TUBA1B: variants seen among roughly 807,000 people sequenced by gnomAD.
TUBA1B encodes the protein tubulin alpha 1b.
TUBA1B carries 1 observed loss-of-function variant against 34.4 expected under a neutral mutation model. The observed-to-expected ratio is 0.03, with a 90% CI of 0.01 to 0.14. The LOEUF is 0.14. Ranked by LOEUF, TUBA1B falls within the 10% of genes least tolerant of loss-of-function variation. The probability of loss-of-function intolerance (pLI) is 1.00; values close to 1 mark genes in which losing one functional copy is unlikely to be tolerated. For synonymous variants in TUBA1B, 197 were observed against 212.5 expected (o/e 0.93, Z 0.64); for missense variants, 54 against 583.6 (o/e 0.09, Z 9.35).
Position 49,131,335 on chromosome 12 carries a change from GCAGA to G in TUBA1B, c.-39_-36del, listed in dbSNP as rs1941806247. ...GGATTAGGAGGCGAAGGCGACAGGA[GCAGA>G]CACCGGGTCCCGGTTACCGTCCCCG... On this transcript the variant is annotated 5_prime_UTR_variant, in exon 1 of 4. Coordinates refer to ENST00000336023, the MANE Select transcript of TUBA1B (RefSeq NM_006082.3). The G allele has an allele frequency of 6.2e-7, 1 of 1,609,892 alleles. No individual in the cohort carries two copies. The highest frequency in any genetic ancestry group is 8.5e-7 in the Non-Finnish European group (1 of 1,178,310).
chr12:49,130,232 A>G (rs1941786322), intron 1 of TUBA1B: 1 of 1,286,366 alleles, frequency 7.8e-7, no homozygotes, highest in Non-Finnish European at 1.0e-6. Flanking sequence ...CTCAGGCCCC[A>G]GAAGCCCACT....
Position 49,128,531 on chromosome 12 carries a change from G to A in TUBA1B, c.783C>T (p.Pro261=). Residue 261 remains proline, a synonymous_variant, in exon 4 of 4, where the codon CCC becomes CCT. Transcript: ENST00000336023. This position sits in a 1 kb window ranked among gnomAD's most constrained non-coding sequence, Gnocchi z 8.1. ...CCAGAGGGAAGTGGATGCGGGGGTAGGGCACCAGGTTGGTCTGGAATTCTG... is the reference window on the plus strand; with the variant it reads ...CCAGAGGGAAGTGGATGCGGGGGTAAGGCACCAGGTTGGTCTGGAATTCTG... The part of the protein sequence containing the change: ...DLTEFQTNLV[P]YPRIHFPLAT... The A allele has an allele frequency of 6.2e-7, 1 of 1,613,840 alleles. No homozygotes were observed. Among genetic ancestry groups the A allele is most frequent in the Non-Finnish European group, 8.5e-7 (1 of 1,179,984 alleles).
In TUBA1B at chr12:49,127,952, G is replaced by C. The variant is rs763468080; in HGVS notation, c.*6C>G. The C allele has an allele frequency of 2.0e-5, 32 of 1,614,006 alleles. No homozygotes were observed. Among genetic ancestry groups the C allele is most frequent in the Non-Finnish European group, 2.7e-5 (32 of 1,179,912 alleles). On this transcript the variant is annotated 3_prime_UTR_variant, in exon 4 of 4. Coordinates refer to ENST00000336023, the MANE Select transcript of TUBA1B (RefSeq NM_006082.3). ...GACATGCTGCAGGGCCAAAAGGAAT[G>C]GATAATTAGTATTCCTCTCCTTCTT...
In TUBA1B at chr12:49,131,381, G is replaced by A. The variant is rs1482199389; in HGVS notation, c.-81C>T. 7.7e-6 allele frequency: 12 copies of A among 1,550,102 alleles called. No individual in the cohort carries two copies. Among genetic ancestry groups the A allele is most frequent in the African/African-American group, 1.4e-5 (1 of 73,828 alleles). On this transcript the variant is annotated 5_prime_UTR_variant, in exon 1 of 4. Transcript: ENST00000336023. Reference sequence around the variant, plus strand: ...CCGTCCCCGACAAGCTAAGAGTCGAGGTAAGTAACGCACTAGGGCGGGGCC... The same window carrying A: ...CCGTCCCCGACAAGCTAAGAGTCGAAGTAAGTAACGCACTAGGGCGGGGCC...
intron 1 of TUBA1B, chr12:49,130,370 TC>T (rs1941788859): frequency 1.6e-6 from 2 of 1,288,590 alleles, no homozygotes; most frequent in Non-Finnish European, 2.0e-6. Flanking sequence ...AATGAGCAAT[TC>T]CGGGCGCGCG....
In TUBA1B at chr12:49,127,801, A is replaced by T; in HGVS notation, c.*157T>A. The T allele has an allele frequency of 8.3e-7, 1 of 1,200,902 alleles. No homozygotes were observed. The highest frequency in any genetic ancestry group is 1.2e-6 in the Non-Finnish European group (1 of 858,504). The allele number at this position is 1,200,902 out of a possible 1,614,324, so 74.4% of individuals were successfully genotyped here. On this transcript the variant is annotated 3_prime_UTR_variant, in exon 4 of 4. Coordinates refer to ENST00000336023, the MANE Select transcript of TUBA1B (RefSeq NM_006082.3). ...CAAAGCTTTTGATGTTAATGACTTT[A>T]CTTTGAGATATGATGGAAAAATATT...
chr12:49,129,068 T>G, intron 3 of TUBA1B, 130 bp from the exon 4 acceptor site: 28 of 1,521,862 alleles, frequency 1.8e-5, no homozygotes, highest in Admixed American at 2.1e-5. Flanking sequence ...AACAGACATA[T>G]CCACAAACTG....
chr12:49,130,531 G>GA (rs1941791558), intron 1 of TUBA1B: 1 of 372,000 alleles, frequency 2.7e-6, no homozygotes, highest in Non-Finnish European at 5.2e-6. Flanking sequence ...ATTATCGGCG[G>GA]CCCAGATCTG....
intron 1 of TUBA1B, 23 bp from the exon 2 acceptor site, chr12:49,129,745 C>G (rs1028441137): frequency 6.2e-7 from 1 of 1,613,788 alleles, no homozygotes; most frequent in Admixed American, 1.7e-5. Flanking sequence ...AAAAAGATAT[C>G]ACAATTTAAA....
chr12:49,127,910 T>C lies in TUBA1B; in HGVS notation c.*48A>G. 6.2e-7 allele frequency: 1 copy of C among 1,613,626 alleles called. No homozygotes were observed. Among genetic ancestry groups the C allele is most frequent in the African/African-American group, 1.3e-5 (1 of 75,040 alleles). ...TAACGTCTGTCAGTTAAGCTGAAGCTGAAATTCTGGGAGCATGACATGCTG... is the reference window on the plus strand; with the variant it reads ...TAACGTCTGTCAGTTAAGCTGAAGCCGAAATTCTGGGAGCATGACATGCTG... On this transcript the variant is annotated 3_prime_UTR_variant, in exon 4 of 4. Transcript: ENST00000336023.
chr12:49,129,072 C>A (rs1941772680), intron 3 of TUBA1B, 134 bp from the exon 4 acceptor site: 2 of 1,522,648 alleles, frequency 1.3e-6, no homozygotes, highest in Admixed American at 4.2e-5. Flanking sequence ...GACATATCCA[C>A]AAACTGTCCA....
chr12:49,131,200 GGC>G (rs1476609493), intron 1 of TUBA1B, 96 bp downstream of exon 1: 1 of 1,486,544 alleles, frequency 6.7e-7, no homozygotes, highest in Non-Finnish European at 9.2e-7. Flanking sequence ...ACGGCTCTGA[GGC>G]CAGCCCTTCC....
At chr12:49,130,371 C>A (rs1435310164) in intron 1 of TUBA1B, 22 of 1,288,682 alleles carry the variant, frequency 1.7e-5, no homozygotes, top group African/African-American at 3.0e-5. Flanking sequence ...ATGAGCAATT[C>A]CGGGCGCGCG....
chr12:49,129,856 C>G lies in TUBA1B; in HGVS notation c.4-134G>C, dbSNP rs917094367. ...CCAGGCTTGAGTGCAGTGATGCCAT[C>G]TAGGCTCACTGCAGCCTAGGCTCCA... is the stretch of plus-strand genomic sequence containing the variant. On this transcript the variant is annotated intron_variant, in intron 1 of 3. Coordinates refer to ENST00000336023, the MANE Select transcript of TUBA1B (RefSeq NM_006082.3). 2.1e-6 allele frequency: 3 copies of G among 1,407,700 alleles called. No homozygotes were observed. In the African/African-American group the frequency reaches 4.3e-5, roughly 20 times the overall value. The allele number at this position is 1,407,700 out of a possible 1,614,324, so 87.2% of individuals were successfully genotyped here. A position where few individuals can be genotyped will look rare whatever the true frequency, so the allele number is the denominator to read the frequency against.
rs895878378 is a variant in TUBA1B at position 49,129,690 on chromosome 12, A to T, written c.36T>A (p.Ala12=). ...RECISIHVGQ[A]GVQIGNACWE... ...AGCAGGCATTGCCAATCTGGACACCAGCCTGGCCAACGTGGATGGAGATGC... is the reference window on the plus strand; with the variant it reads ...AGCAGGCATTGCCAATCTGGACACCTGCCTGGCCAACGTGGATGGAGATGC... The change falls in exon 2 of 4, where the codon GCT becomes GCA. Residue 12 remains alanine, a synonymous_variant. Coordinates refer to ENST00000336023, the MANE Select transcript of TUBA1B (RefSeq NM_006082.3). 1 of 1,614,256 alleles carries T rather than the reference A, an allele frequency of 6.2e-7. No individual in the cohort carries two copies. The highest frequency in any genetic ancestry group is 1.7e-5 in the Admixed American group (1 of 60,018).
intron 1 of TUBA1B, chr12:49,131,052 C>G: frequency 2.0e-6 from 1 of 492,476 alleles, no homozygotes; most frequent in Non-Finnish European, 3.7e-6. Flanking sequence ...GGAGGGCAGC[C>G]CGAGCCCCCC....
In TUBA1B at chr12:49,129,408, G is replaced by T; in HGVS notation, c.227-18C>A. On this transcript the variant is annotated intron_variant, in intron 2 of 3. Coordinates refer to ENST00000336023, the MANE Select transcript of TUBA1B (RefSeq NM_006082.3). ...AACTTCATCTGGAGGAGGGAGAGAAGGACGGAGGGAGTGAGTGAGTGACAA... is the reference window on the plus strand; with the variant it reads ...AACTTCATCTGGAGGAGGGAGAGAATGACGGAGGGAGTGAGTGAGTGACAA... 1 of 1,614,148 alleles carries T rather than the reference G, an allele frequency of 6.2e-7. No individual in the cohort carries two copies.
chr12:49,131,224 A>G, intron 1 of TUBA1B, 74 bp downstream of exon 1: 1 of 1,548,316 alleles, frequency 6.5e-7, no homozygotes, highest in South Asian at 1.2e-5. Flanking sequence ...GGCTGTATAC[A>G]GGGCCCCAGC....
At chr12:49,129,156 A>G in intron 3 of TUBA1B, 86 bp downstream of exon 3, 28 of 1,608,558 alleles carry the variant, frequency 1.7e-5, no homozygotes, top group Non-Finnish European at 2.2e-5. Flanking sequence ...GGTAGGTGCC[A>G]AAGAATGAAT....
Sources: gnomAD v4.1 joint callset for allele counts on GRCh38, gnomAD v4.1.1 for gene constraint, Gnocchi (gnomAD v3.1) non-coding constraint, MANE v1.5 for transcripts, NCBI Gene and HGNC (gene_info 2026-07-23, HGNC 2026-07-21) for gene names.